Variants in PDE3A observed in about 807,000 individuals in gnomAD.
PDE3A encodes cGMP-inhibited 3',5'-cyclic phosphodiesterase 3A.
In PDE3A, 43 loss-of-function variants were observed where a neutral mutation model predicts 98.3. That is an observed-to-expected ratio of 0.44 (90% CI 0.34 to 0.56). The LOEUF (loss-of-function observed/expected upper bound fraction) is 0.56. Among genes scored for constraint, PDE3A ranks in the 20% least tolerant of loss-of-function variants. The probability of loss-of-function intolerance (pLI) is 0.01; values close to 1 mark genes in which losing one functional copy is unlikely to be tolerated. For synonymous variants in PDE3A, 663 were observed against 567.9 expected (o/e 1.17, Z -2.38); for missense variants, 1,427 against 1,440.7 (o/e 0.99, Z 0.15).
intron 1 of PDE3A, among the ~76,000 whole-genome samples, chr12:20,471,989 T>C (rs1181061478): frequency 6.6e-6 from 1 of 152,174 alleles, no homozygotes; most frequent in Non-Finnish European, 1.5e-5. Flanking sequence ...ATGGTCATCC[T>C]GGTGCATTTT....
chr12:20,632,500 C>A (rs867779296), intron 6 of PDE3A, among the ~76,000 whole-genome samples: 3 of 152,218 alleles, frequency 2.0e-5, no homozygotes, highest in African/African-American at 7.2e-5. Flanking sequence ...AAGAACCCAG[C>A]AGCAAATGCA....
chr12:20,555,068 C>A (rs1343221179), intron 1 of PDE3A, among the ~76,000 whole-genome samples: 1 of 152,018 alleles, frequency 6.6e-6, no homozygotes, highest in Non-Finnish European at 1.5e-5. Context: ...GTCTCCCAGG[C>A]TGGAGTGCAG....
At chr12:20,586,989 T>C (rs191979139) in intron 2 of PDE3A, among the ~76,000 whole-genome samples, 48 of 152,326 alleles carry the variant, frequency 3.2e-4, no homozygotes, top group South Asian at 8.3e-4. Flanking sequence ...TTAATGGTAT[T>C]TGCTCATTTG....
chr12:20,491,452 C>T (rs967459840), intron 1 of PDE3A, among the ~76,000 whole-genome samples: 5 of 152,140 alleles, frequency 3.3e-5, no homozygotes, highest in African/African-American at 1.2e-4. Context: ...TGTAAACTGT[C>T]ATGGTGCTGT....
intron 1 of PDE3A, among the ~76,000 whole-genome samples, chr12:20,434,253 C>T (rs1310570552): frequency 6.6e-6 from 1 of 151,912 alleles, no homozygotes; most frequent in Non-Finnish European, 1.5e-5. Context: ...CTACTGATTG[C>T]CTGTACCCTA....
At chr12:20,647,283 A>T (rs1489165736) in intron 12 of PDE3A, among the ~76,000 whole-genome samples, 2 of 152,192 alleles carry the variant, frequency 1.3e-5, no homozygotes, top group African/African-American at 2.4e-5. Flanking sequence ...AGAACCAAGC[A>T]TTTCTTGGAC....
chr12:20,508,488 C>T (rs1946158104), intron 1 of PDE3A, among the ~76,000 whole-genome samples: 2 of 151,128 alleles, frequency 1.3e-5, no homozygotes, highest in African/African-American at 4.9e-5. Context: ...AATAGTTGCT[C>T]AATGAATATT....
In PDE3A at chr12:20,684,920, C is replaced by T. The variant is rs1201434650; in HGVS notation, c.*4649C>T. Among the ~76,000 whole-genome samples the T allele has an allele frequency of 3.3e-5, 5 of 152,280 alleles. No individual in the cohort carries two copies. Among genetic ancestry groups the T allele is most frequent in the Admixed American group, 2.6e-4 (4 of 15,302 alleles). On this transcript the variant is annotated 3_prime_UTR_variant, in exon 16 of 16. Coordinates refer to ENST00000359062, the MANE Select transcript of PDE3A (RefSeq NM_000921.5). ...GTGTTTCACACCAAAGACCCATGCT[C>T]AGAGAATGGTAACATATTTTCCAGT...
At chr12:20,545,530 C>T (rs1233688923) in intron 1 of PDE3A, among the ~76,000 whole-genome samples, 2 of 151,970 alleles carry the variant, frequency 1.3e-5, no homozygotes, top group East Asian at 3.9e-4. Flanking sequence ...AGTCACAATG[C>T]TATATATCAG....
At chr12:20,619,858 G>T (rs1403369765) in intron 4 of PDE3A, among the ~76,000 whole-genome samples, 1 of 151,140 alleles carries the variant, frequency 6.6e-6, no homozygotes, top group Admixed American at 6.6e-5. Context: ...TCTCTGAAAT[G>T]GAAAAAAAAA....
intron 1 of PDE3A, among the ~76,000 whole-genome samples, chr12:20,470,907 TAAG>T (rs1218186453): frequency 3.3e-5 from 5 of 151,946 alleles, no homozygotes; most frequent in Non-Finnish European, 7.4e-5. Context: ...AGTGTGTTTA[TAAG>T]AAGAGACACC....
In PDE3A at chr12:20,386,632, G is replaced by A. The variant is rs1034689731; in HGVS notation, c.960+16388G>A. 4.1e-4 allele frequency among the ~76,000 whole-genome samples: 63 copies of A among 151,892 alleles called. 1 individual carries two copies. The highest frequency in any genetic ancestry group is 1.3e-3 in the African/African-American group (54 of 41,440). ...TGGGATTATAAGTGAGAGCCACTGC[G>A]CCTGGCCTTTTTCTTGTAAATTTAA... On this transcript the variant is annotated intron_variant, in intron 1 of 15. Coordinates refer to ENST00000359062, the MANE Select transcript of PDE3A (RefSeq NM_000921.5).
intron 1 of PDE3A, among the ~76,000 whole-genome samples, chr12:20,530,244 A>G (rs980701197): frequency 6.6e-6 from 1 of 152,202 alleles, no homozygotes; most frequent in Non-Finnish European, 1.5e-5. Flanking sequence ...ACTATAAGTT[A>G]TAGCTGATAA....
At chr12:20,387,920 C>T (rs765796313) in intron 1 of PDE3A, among the ~76,000 whole-genome samples, 4 of 151,962 alleles carry the variant, frequency 2.6e-5, no homozygotes, top group Non-Finnish European at 5.9e-5. Context: ...AGAAAGGAAA[C>T]TTGTCAAGAT....
chr12:20,539,697 G>T (rs1941845867), intron 1 of PDE3A, among the ~76,000 whole-genome samples: 1 of 152,080 alleles, frequency 6.6e-6, no homozygotes, highest in African/African-American at 2.4e-5. Flanking sequence ...AGTGTTACTT[G>T]AAGTGACACC....
chr12:20,486,372 G>A (rs1945727766), intron 1 of PDE3A, among the ~76,000 whole-genome samples: 1 of 152,086 alleles, frequency 6.6e-6, no homozygotes, highest in Admixed American at 6.6e-5. Flanking sequence ...CATGAGAATA[G>A]CATGGGGAAG....
intron 2 of PDE3A, among the ~76,000 whole-genome samples, chr12:20,601,019 G>A (rs906786047): frequency 3.3e-5 from 5 of 152,150 alleles, no homozygotes; most frequent in African/African-American, 1.2e-4. Flanking sequence ...TGCCCACAAA[G>A]TACCAGATAC....
At chr12:20,663,397 G>A (rs10841587) in intron 15 of PDE3A, among the ~76,000 whole-genome samples, 82,220 of 151,952 alleles carry the variant, frequency 0.54, 23,279 homozygotes, top group East Asian at 0.73. Context: ...CTTGCACTGT[G>A]CACCTGGAAA....
chr12:20,378,895 C>T (rs969944599), intron 1 of PDE3A, among the ~76,000 whole-genome samples: 2 of 151,446 alleles, frequency 1.3e-5, no homozygotes, highest in African/African-American at 4.8e-5. Flanking sequence ...TTTCTTTTTA[C>T]CTAATAGAGT....
Sources: allele counts gnomAD v4.1 joint callset (sites outside exome capture counted in the v4.1 genomes callset), GRCh38; gene constraint gnomAD v4.1.1; transcripts MANE v1.5; gene names NCBI Gene and HGNC (gene_info 2026-07-23, HGNC 2026-07-21).